FAM168B: variants seen among roughly 807,000 people sequenced by gnomAD.
FAM168B encodes the protein family with sequence similarity 168 member B, also known as myelin-associated neurite-outgrowth inhibitor.
A neutral mutation model predicts 21.8 loss-of-function variants in FAM168B; 19 were observed. That is an observed-to-expected ratio of 0.87 (90% CI 0.61 to 1.28). FAM168B has a LOEUF of 1.28. Ranked by LOEUF, FAM168B falls within the 50% of genes most tolerant of loss-of-function variation. FAM168B has a pLI of 0.00. For missense variants in FAM168B, 233 were observed against 263.1 expected (o/e 0.89, Z 0.79); for synonymous variants, 126 against 104.8 (o/e 1.20, Z -1.24).
chr2:131,061,808 T>A lies in FAM168B; in HGVS notation c.155-6113A>T, dbSNP rs182522802. Among the ~76,000 whole-genome samples, 194 of 147,246 alleles carry A rather than the reference T, an allele frequency of 1.3e-3. 1 individual carries two copies. Among genetic ancestry groups the A allele is most frequent in the African/African-American group, 4.3e-3 (173 of 40,200 alleles). The stretch of plus-strand genomic sequence containing the variant: ...AAAAAAAAAAAAAAGAAGAAGAAGA[T>A]GAATACAAAATTTTGCCAAGCCTTT... On this transcript the variant is annotated intron_variant, in intron 3 of 6. Transcript: ENST00000389915.
rs1415703305 is a variant in FAM168B at position 131,093,306 on chromosome 2, G to A, written c.-104C>T. On this transcript the variant is annotated 5_prime_UTR_variant, in exon 1 of 7. Coordinates refer to ENST00000389915, the MANE Select transcript of FAM168B (RefSeq NM_001009993.4). Reference sequence around the variant, plus strand: ...GGCGAAACAAGGGGGGCGTGCCGAGGAGACCTGCTACGATAAGAGGCTGAC... The same window carrying A: ...GGCGAAACAAGGGGGGCGTGCCGAGAAGACCTGCTACGATAAGAGGCTGAC... The A allele has an allele frequency of 1.3e-5, 2 of 150,420 alleles. No homozygotes were observed. The highest frequency in any genetic ancestry group is 1.9e-4 in the East Asian group (1 of 5,164). 9.3% of individuals were successfully genotyped at this position (150,420 alleles called of 1,614,324 possible). A position where few individuals can be genotyped will look rare whatever the true frequency, so the allele number is the denominator to read the frequency against.
In FAM168B at chr2:131,050,578, C is replaced by T; in HGVS notation, c.*1887G>A. 1 of 985,552 alleles carries T rather than the reference C, an allele frequency of 1.0e-6. No homozygotes were observed. The highest frequency in any genetic ancestry group is 1.2e-6 in the Non-Finnish European group (1 of 829,692). The allele number at this position is 985,552 out of a possible 1,614,324, so 61.1% of individuals were successfully genotyped here. On this transcript the variant is annotated 3_prime_UTR_variant, in exon 7 of 7. Transcript: ENST00000389915. Reference sequence around the variant, plus strand: ...TCAGTAAACATTCTATGTTAATAGACATCAGGAATAAAGAATCTGCTGTTT... The same window carrying T: ...TCAGTAAACATTCTATGTTAATAGATATCAGGAATAAAGAATCTGCTGTTT...
At chr2:131,072,217 A>G (rs1284618025) in intron 2 of FAM168B, among the ~76,000 whole-genome samples, 1 of 151,802 alleles carries the variant, frequency 6.6e-6, no homozygotes, top group Non-Finnish European at 1.5e-5. Flanking sequence ...TCTGCCTCCC[A>G]GGTTCAAGCG....
At position 131,049,704 on chromosome 2, in the gene FAM168B, T is replaced by C; in HGVS notation, c.*2761A>G. The C allele has an allele frequency of 2.0e-6, 2 of 985,868 alleles. No homozygotes were observed. Among genetic ancestry groups the C allele is most frequent in the South Asian group, 4.7e-5 (1 of 21,290 alleles). 61.1% of individuals were successfully genotyped at this position (985,868 alleles called of 1,614,324 possible). On this transcript the variant is annotated 3_prime_UTR_variant, in exon 7 of 7. Coordinates refer to ENST00000389915, the MANE Select transcript of FAM168B (RefSeq NM_001009993.4). ...ACATGAACTAGGTCCTTTGCTTACC[T>C]GCTGTCTCAACTTCTAAAAGAATAG...
Position 131,052,943 on chromosome 2 carries a change from G to C in FAM168B, c.548C>G (p.Pro183Arg). 3 of 1,564,274 alleles carry C rather than the reference G, an allele frequency of 1.9e-6. No individual in the cohort carries two copies. Among genetic ancestry groups the C allele is most frequent in the Non-Finnish European group, 2.6e-6 (3 of 1,153,468 alleles). The change falls in exon 6 of 7, where the codon CCA (proline) becomes CGA (arginine). Residue 183 changes from proline (P) to arginine (R), a missense_variant. Transcript: ENST00000389915. Reference protein sequence around the residue: ...HPVTVPTYRAPGTPTYSYVPP... With the variant: ...HPVTVPTYRARGTPTYSYVPP... ...CACATAGCTGTAAGTGGGCGTTCCT[G>C]GGGCCCGGTACGTGGGCACAGTGAC... is the stretch of plus-strand genomic sequence containing the variant.
chr2:131,048,292 TC>T lies in FAM168B; in HGVS notation c.*4172del, dbSNP rs1390168184. On this transcript the variant is annotated 3_prime_UTR_variant, in exon 7 of 7. Coordinates refer to ENST00000389915, the MANE Select transcript of FAM168B (RefSeq NM_001009993.4). The stretch of plus-strand genomic sequence containing the variant: ...AGGAGCACAAACGGCTGGCCTGAGA[TC>T]TGGCCCAGCTGCCTTGCCCACTGGT... 4 of 1,304,114 alleles carry T rather than the reference TC, an allele frequency of 3.1e-6. No homozygotes were observed. The African/African-American group carries it at 6.1e-5, about 20-fold the overall frequency. The allele number at this position is 1,304,114 out of a possible 1,614,324, so 80.8% of individuals were successfully genotyped here.
intron 2 of FAM168B, among the ~76,000 whole-genome samples, chr2:131,075,439 T>C (rs1693095381): frequency 1.3e-5 from 2 of 152,082 alleles, no homozygotes; most frequent in Non-Finnish European, 2.9e-5. Context: ...AGATTGTGTT[T>C]AACGGTCCCT....
intron 3 of FAM168B, among the ~76,000 whole-genome samples, chr2:131,066,912 A>G (rs1368342453): frequency 3.9e-5 from 6 of 152,224 alleles, no homozygotes; most frequent in Admixed American, 2.6e-4. Context: ...TATAAAGGAA[A>G]GAGGTTTAAT....
At position 131,048,571 on chromosome 2, in the gene FAM168B, C is replaced by A; in HGVS notation, c.*3894G>T. 3 of 1,104,758 alleles carry A rather than the reference C, an allele frequency of 2.7e-6. No homozygotes were observed. Among genetic ancestry groups the A allele is most frequent in the African/African-American group, 3.3e-5 (2 of 61,032 alleles). The allele number at this position is 1,104,758 out of a possible 1,614,324, so 68.4% of individuals were successfully genotyped here. On this transcript the variant is annotated 3_prime_UTR_variant, in exon 7 of 7. Coordinates refer to ENST00000389915, the MANE Select transcript of FAM168B (RefSeq NM_001009993.4). Reference sequence around the variant, plus strand: ...CTTTCTGAAACATGCAGTTTCCGACCCAAATAGGCCACATACCCCAACTTC... The same window carrying A: ...CTTTCTGAAACATGCAGTTTCCGACACAAATAGGCCACATACCCCAACTTC...
At position 131,052,288 on chromosome 2, in the gene FAM168B, G is replaced by A. The variant is rs1210953170; in HGVS notation, c.*177C>T. On this transcript the variant is annotated 3_prime_UTR_variant, in exon 7 of 7. Coordinates refer to ENST00000389915, the MANE Select transcript of FAM168B (RefSeq NM_001009993.4). ...GAATTTGCTTTAAGACCAACCCACA[G>A]AGTCAGCTGGAGACTAACGGCGCTG... The A allele has an allele frequency of 1.0e-6, 1 of 985,816 alleles. No homozygotes were observed. The highest frequency in any genetic ancestry group is 1.7e-5 in the African/African-American group (1 of 57,252). 61.1% of individuals were successfully genotyped at this position (985,816 alleles called of 1,614,324 possible). A position where few individuals can be genotyped will look rare whatever the true frequency, so the allele number is the denominator to read the frequency against.
chr2:131,078,413 A>G (rs550482804), intron 2 of FAM168B, among the ~76,000 whole-genome samples: 2 of 152,198 alleles, frequency 1.3e-5, no homozygotes, highest in African/African-American at 4.8e-5. Flanking sequence ...AGAAACTATA[A>G]AACAGGGTGC....
chr2:131,079,162 T>A (rs1381998413), intron 2 of FAM168B, among the ~76,000 whole-genome samples: 1 of 151,522 alleles, frequency 6.6e-6, no homozygotes, highest in East Asian at 2.0e-4. Context: ...TGGCTCTAAA[T>A]CCAATGACAA....
intron 3 of FAM168B, among the ~76,000 whole-genome samples, chr2:131,061,018 ATTT>A (rs1239405522): frequency 7.0e-6 from 1 of 143,260 alleles, no homozygotes; most frequent in Non-Finnish European, 1.5e-5. Flanking sequence ...AGCCTGGCTA[ATTT>A]TTTTTTTTTT....
intron 3 of FAM168B, among the ~76,000 whole-genome samples, chr2:131,066,162 T>TTC (rs1491111611): frequency 1.1e-5 from 1 of 87,622 alleles, no homozygotes; most frequent in Non-Finnish European, 2.1e-5. Flanking sequence ...CATTTGTATC[T>TTC]TTTTTTTTTT....
intron 3 of FAM168B, among the ~76,000 whole-genome samples, chr2:131,069,412 A>C (rs1415302899): frequency 6.6e-6 from 1 of 152,194 alleles, no homozygotes; most frequent in Non-Finnish European, 1.5e-5. Flanking sequence ...CACAGACATA[A>C]ATGTAAAACC....
intron 1 of FAM168B, 102 bp from the exon 2 acceptor site, chr2:131,082,759 T>C (rs1693484498): frequency 1.4e-6 from 1 of 699,264 alleles, no homozygotes. Context: ...TTCTCTAGGC[T>C]GCTATAAAAC....
In FAM168B at chr2:131,075,044, C is replaced by T. The variant is rs910417104; in HGVS notation, c.71-3106G>A. Among the ~76,000 whole-genome samples the T allele has an allele frequency of 5.9e-5, 9 of 152,114 alleles. No homozygotes were observed. The South Asian group carries it at 1.9e-3, about 32-fold the overall frequency. On this transcript the variant is annotated intron_variant, in intron 2 of 6. Coordinates refer to ENST00000389915, the MANE Select transcript of FAM168B (RefSeq NM_001009993.4). ...TTTCCCTCCTGGACTCTCACCCTCC[C>T]GTTTGCCCTCTCTAATTAGTCAGAG...
chr2:131,087,314 C>T (rs1005908255), intron 1 of FAM168B, among the ~76,000 whole-genome samples: 2 of 151,866 alleles, frequency 1.3e-5, no homozygotes. Context: ...ACTAAAAATA[C>T]AACAAAAATT....
chr2:131,055,906 T>C (rs557399062), intron 3 of FAM168B, among the ~76,000 whole-genome samples: 1 of 152,232 alleles, frequency 6.6e-6, no homozygotes, highest in East Asian at 1.9e-4. Context: ...GGCAGGGTGT[T>C]GGGGAGGAGG....
Sources: allele counts gnomAD v4.1 joint callset (sites outside exome capture counted in the v4.1 genomes callset), GRCh38; gene constraint gnomAD v4.1.1; transcripts MANE v1.5; gene names NCBI Gene and HGNC (gene_info 2026-07-23, HGNC 2026-07-21).